Variants in STARD8 observed in about 807,000 individuals in gnomAD.
STARD8 encodes the protein stAR-related lipid transfer protein 8.
Under a neutral mutation model 69.4 loss-of-function variants are expected in STARD8, and 25 were observed. That is an observed-to-expected ratio of 0.36 (90% CI 0.26 to 0.50). The LOEUF is 0.50. STARD8 is among the 20% of genes least tolerant of loss of function. STARD8 has a pLI of 0.96. For synonymous variants in STARD8, 389 were observed against 374.6 expected (o/e 1.04, Z -0.45); for missense variants, 921 against 932.5 (o/e 0.99, Z 0.16).
intron 2 of STARD8, among the ~76,000 whole-genome samples, chrX:68,700,446 G>A (rs976830642): frequency 1.8e-5 from 2 of 112,400 alleles, no homozygotes; most frequent in African/African-American, 6.5e-5. Flanking sequence ...CATGGCAGCC[G>A]GGGCTGACTC....
chrX:68,651,329 A>G (rs763630967), intron 1 of STARD8, among the ~76,000 whole-genome samples: 25 of 112,811 alleles, frequency 2.2e-4, no homozygotes, highest in Non-Finnish European at 2.6e-4. Context: ...GAATCAACAC[A>G]TGGCTGGATC....
chrX:68,724,695 C>T lies in STARD8; in HGVS notation c.*273C>T, dbSNP rs2080184825. On this transcript the variant is annotated 3_prime_UTR_variant, in exon 15 of 15. Transcript: ENST00000374599. ...GAGAATCGCATGAGTAGCAAGACTG[C>T]TGCCACCAGCCACCTGCTTGTGAGG... 3.8e-6 allele frequency: 1 copy of T among 260,271 alleles called. No individual in the cohort carries two copies. The highest frequency in any genetic ancestry group is 6.8e-6 in the Non-Finnish European group (1 of 147,409). The allele number at this position is 260,271 out of a possible 1,213,427, so 21.4% of individuals were successfully genotyped here. A position where few individuals can be genotyped will look rare whatever the true frequency, so the allele number is the denominator to read the frequency against.
chrX:68,721,570 A>G lies in STARD8; in HGVS notation c.2283A>G (p.Gln761=). Residue 761 remains glutamine (Q), a synonymous_variant, in exon 10 of 15, where the codon CAA becomes CAG. Coordinates refer to ENST00000374599, the MANE Select transcript of STARD8 (RefSeq NM_001142503.3). ...LPKDQWLAAA[Q]AATLLLPDEN... is the part of the protein sequence containing the mutation. ...AGGATCAGTGGTTGGCAGCAGCACAAGCCGCCACCTTGCTGCTCCCCGATG... is the reference window on the plus strand; with the variant it reads ...AGGATCAGTGGTTGGCAGCAGCACAGGCCGCCACCTTGCTGCTCCCCGATG... 8.3e-7 allele frequency: 1 copy of G among 1,211,832 alleles called. No homozygotes were observed. Among genetic ancestry groups the G allele is most frequent in the African/African-American group, 1.7e-5 (1 of 57,798 alleles).
chrX:68,665,517 G>T lies in STARD8; in HGVS notation c.64G>T (p.Val22Leu). Residue 22 changes from valine to leucine, a missense_variant, in exon 2 of 15, where the codon GTG (valine) becomes TTG (leucine). Val to Leu is a conservative substitution (Grantham distance 32). Transcript: ENST00000374599. Reference sequence around the variant, plus strand: ...TTTGCAGTGCTTCCCATTGCTGCAGGTGAAGAAGAACGCTGGTAAGTACAC... The same window carrying T: ...TTTGCAGTGCTTCCCATTGCTGCAGTTGAAGAAGAACGCTGGTAAGTACAC... ...RKVKCFPLLQ[V>L]KKNAEAEAKR... 8.3e-7 allele frequency: 1 copy of T among 1,208,937 alleles called. No individual in the cohort carries two copies.
intron 2 of STARD8, among the ~76,000 whole-genome samples, chrX:68,684,028 G>A (rs2079815913): frequency 8.9e-6 from 1 of 112,615 alleles, no homozygotes; most frequent in African/African-American, 3.2e-5. Flanking sequence ...GAGCATTGTG[G>A]TAAGAATTAA....
intron 2 of STARD8, among the ~76,000 whole-genome samples, chrX:68,689,668 G>T (rs1430635410): frequency 8.9e-6 from 1 of 112,195 alleles, no homozygotes; most frequent in African/African-American, 3.2e-5. Context: ...CCTGGGCCTG[G>T]CTGGGCCTGT....
chrX:68,715,011 G>A (rs2080080249), intron 3 of STARD8, among the ~76,000 whole-genome samples: 2 of 111,592 alleles, frequency 1.8e-5, no homozygotes, highest in Admixed American at 9.4e-5. Context: ...GCCCGTGTTG[G>A]GCTCTTGGCA....
intron 1 of STARD8, among the ~76,000 whole-genome samples, chrX:68,655,336 TATGAC>T (rs2079604810): frequency 8.9e-6 from 1 of 111,750 alleles, no homozygotes; most frequent in South Asian, 3.7e-4. Flanking sequence ...AGAAATAAAT[TATGAC>T]ATAAGACTCT....
chrX:68,694,679 C>T (rs900592514), intron 2 of STARD8, among the ~76,000 whole-genome samples: 3 of 111,584 alleles, frequency 2.7e-5, no homozygotes, highest in Admixed American at 9.5e-5. Context: ...TTCACCCTGA[C>T]ATTTGTTTAC....
intron 1 of STARD8, among the ~76,000 whole-genome samples, chrX:68,661,979 T>C (rs1330573037): frequency 1.8e-5 from 1 of 55,591 alleles, no homozygotes; most frequent in Non-Finnish European, 3.2e-5. Flanking sequence ...TCTCTTTCTT[T>C]CTTTCTTTCT....
intron 1 of STARD8, among the ~76,000 whole-genome samples, chrX:68,654,710 C>G (rs1423321902): frequency 9.0e-6 from 1 of 110,789 alleles, no homozygotes; most frequent in African/African-American, 3.3e-5. Flanking sequence ...GGTTTCACAC[C>G]CCCTGTGCAG....
At chrX:68,713,979 G>A (rs1348986870) in intron 3 of STARD8, among the ~76,000 whole-genome samples, 1 of 111,594 alleles carries the variant, frequency 9.0e-6, no homozygotes, top group African/African-American at 3.3e-5. Context: ...ATTCCTCCTT[G>A]TTCCCATCTC....
At chrX:68,702,641 C>T (rs1210429665) in intron 2 of STARD8, among the ~76,000 whole-genome samples, 4 of 111,780 alleles carry the variant, frequency 3.6e-5, no homozygotes, top group Non-Finnish European at 7.5e-5. Flanking sequence ...TAGAGCCAAA[C>T]TGCCTGGATT....
At chrX:68,707,372 G>A (rs1307388063) in intron 2 of STARD8, among the ~76,000 whole-genome samples, 1 of 112,228 alleles carries the variant, frequency 8.9e-6, no homozygotes, top group Non-Finnish European at 1.9e-5. Context: ...TAGAGAGAAC[G>A]TGGGCCTATG....
chrX:68,675,495 C>T (rs1390139469), intron 2 of STARD8, among the ~76,000 whole-genome samples: 1 of 103,238 alleles, frequency 9.7e-6, no homozygotes, highest in Non-Finnish European at 1.9e-5. Context: ...TATAAGATCC[C>T]AGACAATACA....
intron 2 of STARD8, among the ~76,000 whole-genome samples, chrX:68,678,532 CT>C (rs1415146464): frequency 8.9e-6 from 1 of 112,287 alleles, no homozygotes; most frequent in East Asian, 2.8e-4. Flanking sequence ...CTTCTAGGCT[CT>C]GAGCACATGA....
At chrX:68,671,942 A>G (rs1371167793) in intron 2 of STARD8, among the ~76,000 whole-genome samples, 1 of 111,723 alleles carries the variant, frequency 9.0e-6, no homozygotes, top group Non-Finnish European at 1.9e-5. Flanking sequence ...TGAAGTTTCC[A>G]TGAACATTTC....
chrX:68,695,304 G>A (rs2079911801), intron 2 of STARD8, among the ~76,000 whole-genome samples: 1 of 111,083 alleles, frequency 9.0e-6, no homozygotes, highest in Admixed American at 9.5e-5. Context: ...GGGGTCGGTA[G>A]TGAAACTCTT....
intron 1 of STARD8, among the ~76,000 whole-genome samples, chrX:68,663,170 T>A (rs2079661960): frequency 8.9e-6 from 1 of 111,956 alleles, no homozygotes; most frequent in African/African-American, 3.2e-5. Context: ...GTAGCAGAAA[T>A]CTTTGATGCA....
Sources: gnomAD v4.1 joint callset for allele counts (sites outside exome capture counted in the v4.1 genomes callset) on GRCh38, gnomAD v4.1.1 for gene constraint, MANE v1.5 for transcripts, NCBI Gene and HGNC (gene_info 2026-07-23, HGNC 2026-07-21) for gene names.